Variants in PKHD1 observed in about 807,000 individuals in gnomAD.
The protein encoded by PKHD1 is fibrocystin.
Under a neutral mutation model 412.0 loss-of-function variants are expected in PKHD1, and 291 were observed. The observed-to-expected ratio is 0.71, with a 90% CI of 0.64 to 0.78. PKHD1 has a LOEUF of 0.78. PKHD1 is among the 30% of genes least tolerant of loss of function. PKHD1 has a pLI of 0.00. For missense variants in PKHD1, 4,825 were observed against 4,950.7 expected (o/e 0.97, Z 0.76); for synonymous variants, 1,777 against 1,821.5 (o/e 0.98, Z 0.62).
At chr6:52,040,801 C>A (rs1221971107) in intron 27 of PKHD1, among the ~76,000 whole-genome samples, 1 of 152,200 alleles carries the variant, frequency 6.6e-6, no homozygotes, top group Non-Finnish European at 1.5e-5. Flanking sequence ...ACTATACCAT[C>A]ACAACCATCT....
At chr6:51,952,845 A>C (rs1028752288) in intron 36 of PKHD1, among the ~76,000 whole-genome samples, 2 of 152,134 alleles carry the variant, frequency 1.3e-5, no homozygotes, top group Non-Finnish European at 2.9e-5. Flanking sequence ...TGCCTGCCAA[A>C]TATAGGAAGA....
In PKHD1 at chr6:52,024,638, C is replaced by T. The variant is rs2128141485; in HGVS notation, c.5172G>A (p.Gly1724=). The T allele has an allele frequency of 6.2e-7, 1 of 1,614,170 alleles. No individual in the cohort carries two copies. Among genetic ancestry groups the T allele is most frequent in the Admixed American group, 1.7e-5 (1 of 60,032 alleles). Reference sequence around the variant, plus strand: ...TGAACACCAGGGCAGATGAGGCCCACCCTCTGATGCAGTCATAGCCTCTGA... The same window carrying T: ...TGAACACCAGGGCAGATGAGGCCCATCCTCTGATGCAGTCATAGCCTCTGA... ...YHVRGYDCIR[G]WASSALVFTS... The change falls in exon 32 of 67, where the codon GGG becomes GGA. Residue 1724 remains glycine, a synonymous_variant. Coordinates refer to ENST00000371117, the MANE Select transcript of PKHD1 (RefSeq NM_138694.4).
intron 63 of PKHD1, 132 bp downstream of exon 63, chr6:51,647,899 A>G (rs1770324753): frequency 2.9e-6 from 2 of 695,584 alleles, no homozygotes; most frequent in Middle Eastern, 3.7e-4. Flanking sequence ...ATTAGGGATG[A>G]AGGAGTTTCT....
chr6:51,677,583 C>T (rs1776047968), intron 60 of PKHD1, among the ~76,000 whole-genome samples: 1 of 152,060 alleles, frequency 6.6e-6, no homozygotes, highest in South Asian at 2.1e-4. Flanking sequence ...GGACGCACTT[C>T]CAAATTAATA....
chr6:51,744,484 G>T lies in PKHD1; in HGVS notation c.10057C>A (p.Leu3353Ile). The T allele has an allele frequency of 6.2e-7, 1 of 1,612,526 alleles. No homozygotes were observed. Among genetic ancestry groups the T allele is most frequent in the Non-Finnish European group, 8.5e-7 (1 of 1,178,562 alleles). Residue 3353 changes from leucine to isoleucine, a missense_variant, in exon 60 of 67, where the codon CTC (leucine) becomes ATC (isoleucine). Physicochemically the swap from Leu to Ile is conservative, Grantham distance 5. Coordinates refer to ENST00000371117, the MANE Select transcript of PKHD1 (RefSeq NM_138694.4). ...GCTCTCCCATCCAGATCCTTGAAGAGATATTTTCTTGGACTTGCACAGTCT... is the reference window on the plus strand; with the variant it reads ...GCTCTCCCATCCAGATCCTTGAAGATATATTTTCTTGGACTTGCACAGTCT... ...ELDCASPRKY[L>I]FKDLDGRALG... is the part of the protein sequence containing the mutation.
chr6:51,753,256 A>G lies in PKHD1; in HGVS notation c.8895T>C (p.Cys2965=), dbSNP rs748369784. ...AGGACCCCACAAACAGTCTCCCCCT[A>G]CATGATACGTCAGGCTGAATTTGTA... ...RNIQIQPDVS[C]RGRLFVGSFR... is the part of the protein sequence containing the mutation. The change falls in exon 57 of 67, where the codon TGT becomes TGC. Residue 2965 remains cysteine, a synonymous_variant. Coordinates refer to ENST00000371117, the MANE Select transcript of PKHD1 (RefSeq NM_138694.4). 1.4e-5 allele frequency: 23 copies of G among 1,613,700 alleles called. No individual in the cohort carries two copies. In the South Asian group the frequency reaches 2.5e-4, roughly 18 times the overall value.
chr6:51,627,771 G>A (rs910846978), intron 65 of PKHD1, among the ~76,000 whole-genome samples: 1 of 152,028 alleles, frequency 6.6e-6, no homozygotes, highest in Non-Finnish European at 1.5e-5. Context: ...AAGATGAGGA[G>A]GGCTTTTAAT....
chr6:51,807,144 C>G (rs1056964279), intron 52 of PKHD1, among the ~76,000 whole-genome samples: 1 of 151,840 alleles, frequency 6.6e-6, no homozygotes, highest in Non-Finnish European at 1.5e-5. Context: ...ATATATCTAT[C>G]TGGCCAGGCA....
chr6:51,960,042 C>CTGGGTTGG lies in PKHD1; in HGVS notation c.5752-24_5752-17dup, dbSNP rs1374722067. 6 of 1,612,884 alleles carry CTGGGTTGG rather than the reference C, an allele frequency of 3.7e-6. No homozygotes were observed. The highest frequency in any genetic ancestry group is 1.3e-5 in the African/African-American group (1 of 74,926). On this transcript the variant is annotated splice_polypyrimidine_tract_variant and intron_variant, in intron 35 of 66. Transcript: ENST00000371117. ...AAAAGTTGCCCTGGAAAACAGAGAG[C>CTGGGTTGG]TGGGTTGGTGGGTTGGTTGGTTGGT... is the stretch of plus-strand genomic sequence containing the variant.
intron 39 of PKHD1, 37 bp from the exon 40 acceptor site, chr6:51,909,511 T>C: frequency 3.3e-6 from 5 of 1,512,176 alleles, no homozygotes; most frequent in Non-Finnish European, 3.7e-6. Context: ...ACCTAAAGCA[T>C]GTAGAACATG....
intron 52 of PKHD1, among the ~76,000 whole-genome samples, chr6:51,812,138 G>A (rs1009070325): frequency 7.2e-5 from 11 of 152,226 alleles, no homozygotes; most frequent in African/African-American, 2.4e-4. Context: ...TGTAGCTGTG[G>A]GACCCAGGGA....
chr6:51,818,498 T>C (rs1765845436), intron 52 of PKHD1, among the ~76,000 whole-genome samples: 1 of 152,178 alleles, frequency 6.6e-6, no homozygotes, highest in African/African-American at 2.4e-5. Context: ...GTCTCTGTTA[T>C]CTCTGAGCTC....
At chr6:51,843,956 ATTATGGTGAATCCCAT>A (rs1442262359) in intron 50 of PKHD1, among the ~76,000 whole-genome samples, 1 of 152,248 alleles carries the variant, frequency 6.6e-6, no homozygotes, top group Non-Finnish European at 1.5e-5. Flanking sequence ...TATATGTCAT[ATTATGGTGAATCCCAT>A]TTATCTCACA....
chr6:51,999,281 AT>A (rs1298120328), intron 35 of PKHD1, among the ~76,000 whole-genome samples: 2 of 152,084 alleles, frequency 1.3e-5, no homozygotes, highest in African/African-American at 4.8e-5. Flanking sequence ...AATATTCTTC[AT>A]TCCTCCCAAT....
chr6:51,799,465 C>G (rs1447123492), intron 52 of PKHD1, among the ~76,000 whole-genome samples: 1 of 152,130 alleles, frequency 6.6e-6, no homozygotes, highest in Non-Finnish European at 1.5e-5. Flanking sequence ...GAAATGATGA[C>G]ATACTTTTTA....
intron 43 of PKHD1, among the ~76,000 whole-genome samples, chr6:51,898,206 T>C (rs1780479961): frequency 6.6e-6 from 1 of 151,932 alleles, no homozygotes; most frequent in Non-Finnish European, 1.5e-5. Flanking sequence ...ATCAACAGAA[T>C]ATACATTTTT....
At chr6:51,840,060 T>C (rs1769906013) in intron 50 of PKHD1, among the ~76,000 whole-genome samples, 1 of 152,080 alleles carries the variant, frequency 6.6e-6, no homozygotes, top group Admixed American at 6.6e-5. Flanking sequence ...TTACCTCCTC[T>C]GTTGCCTCCA....
At chr6:51,907,112 A>C (rs1053976380) in intron 40 of PKHD1, among the ~76,000 whole-genome samples, 4 of 152,146 alleles carry the variant, frequency 2.6e-5, no homozygotes, top group African/African-American at 9.6e-5. Flanking sequence ...ATGTATTTGC[A>C]TTCTGATGGA....
chr6:51,633,140 A>G (rs1361266660), intron 64 of PKHD1, among the ~76,000 whole-genome samples: 4 of 152,144 alleles, frequency 2.6e-5, no homozygotes, highest in Non-Finnish European at 5.9e-5. Flanking sequence ...ACACATCAAA[A>G]CAGGGGCATA....
Sources: gnomAD v4.1 joint callset for allele counts (sites outside exome capture counted in the v4.1 genomes callset) on GRCh38, gnomAD v4.1.1 for gene constraint, MANE v1.5 for transcripts, NCBI Gene and HGNC (gene_info 2026-07-23, HGNC 2026-07-21) for gene names.